NEIL1: variants seen among roughly 807,000 people sequenced by gnomAD.
NEIL1 encodes the protein endonuclease 8-like 1.
A neutral mutation model predicts 44.2 loss-of-function variants in NEIL1; 31 were observed. The observed-to-expected ratio is 0.70, with a 90% CI of 0.53 to 0.95. The LOEUF is 0.95. Among genes scored for constraint, NEIL1 ranks in the 40% least tolerant of loss-of-function variants. The pLI, the probability that NEIL1 is intolerant of heterozygous loss-of-function variation, is 0.00. For missense variants in NEIL1, 549 were observed against 515.5 expected (o/e 1.07, Z -0.63); for synonymous variants, 254 against 209.7 (o/e 1.21, Z -1.83).
intron 1 of NEIL1, 200 bp from the exon 2 acceptor site, chr15:75,348,684 C>T (rs771169089): frequency 7.0e-7 from 1 of 1,428,006 alleles, no homozygotes; most frequent in Non-Finnish European, 9.1e-7. Flanking sequence ...CTCTGCAGCC[C>T]CAGCTCCCAG....
chr15:75,348,964 C>A lies in NEIL1; in HGVS notation c.59C>A (p.Ala20Glu). 3.7e-6 allele frequency: 6 copies of A among 1,613,592 alleles called. No individual in the cohort carries two copies. Among genetic ancestry groups the A allele is most frequent in the Non-Finnish European group, 5.1e-6 (6 of 1,180,030 alleles). Residue 20 changes from alanine to glutamate, a missense_variant, in exon 2 of 10, where the codon GCG (alanine) becomes GAG (glutamate). Physicochemically the swap from Ala to Glu is moderately radical, Grantham distance 107. Transcript: ENST00000355059. ...ASQFVNEACR[A>E]LVFGGCVEKS... ...CAGTTTGTGAATGAGGCCTGCAGGG[C>A]GCTGGTGTTCGGCGGCTGCGTGGAG...
chr15:75,354,015 A>T, intron 6 of NEIL1, 149 bp downstream of exon 6: 1 of 1,174,594 alleles, frequency 8.5e-7, no homozygotes, highest in Non-Finnish European at 1.2e-6. Context: ...CTCCCCTCCC[A>T]TGCGTCCCAG....
At chr15:75,348,304 G>T (rs1035091709) in intron 1 of NEIL1, 1 of 985,430 alleles carries the variant, frequency 1.0e-6, no homozygotes. Flanking sequence ...GCTCCCCCGC[G>T]CCAGGCCGAG....
rs1199606626 is a variant in NEIL1 at position 75,348,947 on chromosome 15, G to C, written c.42G>C (p.Val14=). ...AGCTGCACCTGGCCAGCCAGTTTGT[G>C]AATGAGGCCTGCAGGGCGCTGGTGT... ...GPELHLASQF[V]NEACRALVFG... is the part of the protein sequence containing the mutation. Residue 14 remains valine (V), a synonymous_variant, in exon 2 of 10, where the codon GTG becomes GTC. Transcript: ENST00000355059. 2 of 1,613,194 alleles carry C rather than the reference G, an allele frequency of 1.2e-6. No homozygotes were observed. The highest frequency in any genetic ancestry group is 1.7e-6 in the Non-Finnish European group (2 of 1,180,040).
In NEIL1 at chr15:75,356,309, C is replaced by A. The variant is rs3803466; in HGVS notation, c.*1275C>A. On this transcript the variant is annotated 3_prime_UTR_variant, in exon 10 of 10. Coordinates refer to ENST00000355059, the MANE Select transcript of NEIL1 (RefSeq NM_024608.4). The surrounding 1 kb of genome is among the most constrained non-coding windows in gnomAD (Gnocchi z 5.8). ...CACGTCCCACCCCTTGCCTGCTTGA[C>A]GGTCTCCAATACGACCGCGGGTGAA... The A allele has an allele frequency of 1.4e-5, 23 of 1,611,958 alleles. No individual in the cohort carries two copies. The highest frequency in any genetic ancestry group is 2.0e-5 in the Non-Finnish European group (23 of 1,179,290).
At position 75,356,076 on chromosome 15, in the gene NEIL1, T is replaced by C; in HGVS notation, c.*1042T>C. 1.2e-6 allele frequency: 2 copies of C among 1,613,356 alleles called. No individual in the cohort carries two copies. The highest frequency in any genetic ancestry group is 1.7e-6 in the Non-Finnish European group (2 of 1,179,718). ...CATGAAGGCTCTGCGAGGGCGAGAC[T>C]CGACCCCCGCCCCAATCCCACACCG... On this transcript the variant is annotated 3_prime_UTR_variant, in exon 10 of 10. Transcript: ENST00000355059. This position sits in a 1 kb window ranked among gnomAD's most constrained non-coding sequence, Gnocchi z 5.8.
chr15:75,347,810 G>A (rs2141306588), intron 1 of NEIL1: 14 of 1,142,436 alleles, frequency 1.2e-5, no homozygotes, highest in Non-Finnish European at 1.5e-5. Flanking sequence ...ACGGGCCCGA[G>A]AGCGCCGCTC....
intron 2 of NEIL1, chr15:75,351,845 C>T (rs1455515960): frequency 2.6e-6 from 1 of 385,892 alleles, no homozygotes; most frequent in Admixed American, 3.7e-5. Context: ...TGGTCTCGAC[C>T]TCCTGACCTC....
At chr15:75,348,216 G>A (rs1356668691) in intron 1 of NEIL1, 7 of 768,364 alleles carry the variant, frequency 9.1e-6, no homozygotes, top group Non-Finnish European at 1.1e-5. Flanking sequence ...TGACCCGGGG[G>A]CGGCCGCGGG....
Position 75,355,765 on chromosome 15 carries a change from G to T in NEIL1, c.*731G>T. 6 of 645,062 alleles carry T rather than the reference G, an allele frequency of 9.3e-6. No homozygotes were observed. The highest frequency in any genetic ancestry group is 1.5e-5 in the Non-Finnish European group (6 of 407,596). The allele number at this position is 645,062 out of a possible 1,614,324, so 40.0% of individuals were successfully genotyped here. On this transcript the variant is annotated 3_prime_UTR_variant, in exon 10 of 10. Coordinates refer to ENST00000355059, the MANE Select transcript of NEIL1 (RefSeq NM_024608.4). ...CCACCCCCACCCCAAGCGTGAGGAT[G>T]GGCCCTAAGGGGACTGAGCAGCAGG...
At chr15:75,354,044 T>C (rs867868555) in intron 6 of NEIL1, 178 bp downstream of exon 6, 1 of 1,067,222 alleles carries the variant, frequency 9.4e-7, no homozygotes, top group African/African-American at 1.6e-5. Flanking sequence ...CTAGTGGAAG[T>C]AGCCCAAGGC....
intron 5 of NEIL1, 194 bp downstream of exon 5, chr15:75,352,895 T>A: frequency 1.8e-6 from 1 of 552,244 alleles, no homozygotes; most frequent in Non-Finnish European, 3.3e-6. Flanking sequence ...ATCCCAGCAC[T>A]TCGGGAGGCC....
chr15:75,354,355 C>G, intron 7 of NEIL1, 76 bp from the exon 8 acceptor site: 3 of 1,610,790 alleles, frequency 1.9e-6, no homozygotes, highest in Non-Finnish European at 1.7e-6. Context: ...CCCTTCTCCA[C>G]CCTATCCCCC....
At chr15:75,347,841 G>C (rs1045436618) in intron 1 of NEIL1, 2 of 1,175,458 alleles carry the variant, frequency 1.7e-6, no homozygotes, top group African/African-American at 3.2e-5. Context: ...CTAGGATTTG[G>C]AGCCTCACGT....
chr15:75,348,443 GAGAC>G (rs985751519), intron 1 of NEIL1: 8 of 1,019,572 alleles, frequency 7.8e-6, no homozygotes, highest in Non-Finnish European at 7.1e-6. Context: ...CCTGGAGAAA[GAGAC>G]AGCGTGTGCG....
rs772963654 is a variant in NEIL1 at position 75,355,993 on chromosome 15, C to G, written c.*959C>G. ...GCTTCAGGCGGTTGTCCCGAAGGGTCAAGTGGCCAGCAGGGTCTGGTCGCT... is the reference window on the plus strand; with the variant it reads ...GCTTCAGGCGGTTGTCCCGAAGGGTGAAGTGGCCAGCAGGGTCTGGTCGCT... On this transcript the variant is annotated 3_prime_UTR_variant, in exon 10 of 10. Transcript: ENST00000355059. The G allele has an allele frequency of 3.7e-6, 6 of 1,613,940 alleles. No individual in the cohort carries two copies. The African/African-American group carries it at 8.0e-5, about 22-fold the overall frequency.
Position 75,356,980 on chromosome 15 carries a change from A to T in NEIL1, c.*1946A>T. 8.3e-7 allele frequency: 1 copy of T among 1,198,860 alleles called. No individual in the cohort carries two copies. The highest frequency in any genetic ancestry group is 1.2e-6 in the Non-Finnish European group (1 of 818,732). The allele number at this position is 1,198,860 out of a possible 1,614,324, so 74.3% of individuals were successfully genotyped here. A position where few individuals can be genotyped will look rare whatever the true frequency, so the allele number is the denominator to read the frequency against. ...CCCAGACTCCAGAGCTCCTGTCACT[A>T]GGCCGAGCACAAGCTCTAGAACCAC... On this transcript the variant is annotated 3_prime_UTR_variant, in exon 10 of 10. Transcript: ENST00000355059. This position sits in a 1 kb window ranked among gnomAD's most constrained non-coding sequence, Gnocchi z 5.8.
intron 1 of NEIL1, 116 bp from the exon 2 acceptor site, chr15:75,348,768 C>T (rs1056261834): frequency 4.1e-6 from 6 of 1,463,942 alleles, no homozygotes; most frequent in East Asian, 2.5e-5. Flanking sequence ...TTCCTGCCAG[C>T]CGCAGCTGGC....
chr15:75,354,507 T>G lies in NEIL1; in HGVS notation c.936+15T>G. The G allele has an allele frequency of 6.2e-7, 1 of 1,613,966 alleles. No individual in the cohort carries two copies. Among genetic ancestry groups the G allele is most frequent in the South Asian group, 1.1e-5 (1 of 91,084 alleles). Reference sequence around the variant, plus strand: ...ACAGAGTGGAGGTATGGCTGCCTGCTCCCGCCTCCTCCCCTGCACTCTGCA... The same window carrying G: ...ACAGAGTGGAGGTATGGCTGCCTGCGCCCGCCTCCTCCCCTGCACTCTGCA... On this transcript the variant is annotated intron_variant, in intron 8 of 9. Transcript: ENST00000355059.
Sources: gnomAD v4.1 joint callset for allele counts on GRCh38, gnomAD v4.1.1 for gene constraint, Gnocchi (gnomAD v3.1) non-coding constraint, MANE v1.5 for transcripts, NCBI Gene and HGNC (gene_info 2026-07-23, HGNC 2026-07-21) for gene names.